The following ERBB4 variants were observed in gnomAD, a reference collection of about 807,000 sequenced individuals.
ERBB4 encodes the protein erb-b2 receptor tyrosine kinase 4.
In ERBB4, 42 loss-of-function variants were observed where a neutral mutation model predicts 158.0. The ratio of observed to expected loss-of-function variants is 0.27; its 90% CI spans 0.21 to 0.34. ERBB4 has a LOEUF of 0.34. Ranked by LOEUF, ERBB4 falls within the 10% of genes least tolerant of loss-of-function variation. The pLI is 1.00. For synonymous variants in ERBB4, 583 were observed against 558.7 expected, an observed-to-expected ratio of 1.04 and a Z score of -0.61; for missense variants, 1,333 against 1,624.1, an observed-to-expected ratio of 0.82 and a Z score of 3.08.
At chr2:212,157,462 G>C (rs2081075295) in intron 1 of ERBB4, among the ~76,000 whole-genome samples, 1 of 152,050 alleles carries the variant, frequency 6.6e-6, no homozygotes, top group South Asian at 2.1e-4. Flanking sequence ...TACTTAATCT[G>C]AGATTAAACC....
At chr2:212,017,612 T>C (rs1034739193) in intron 2 of ERBB4, among the ~76,000 whole-genome samples, 2 of 152,194 alleles carry the variant, frequency 1.3e-5, no homozygotes, top group Non-Finnish European at 2.9e-5. Context: ...ATTCCACATC[T>C]AATTTTCCTT....
intron 20 of ERBB4, among the ~76,000 whole-genome samples, chr2:211,554,244 T>C (rs115458887): frequency 0.01 from 1,526 of 152,320 alleles, 31 homozygotes; most frequent in African/African-American, 0.035. Flanking sequence ...GGCATTTCAA[T>C]ATATTTGTGT....
intron 4 of ERBB4, among the ~76,000 whole-genome samples, chr2:211,755,884 G>T (rs1469154099): frequency 6.6e-6 from 1 of 152,170 alleles, no homozygotes; most frequent in Non-Finnish European, 1.5e-5. Flanking sequence ...AACTATAAAA[G>T]ATCATATCCT....
At position 211,383,332 on chromosome 2, in the gene ERBB4, C is replaced by A. The variant is rs1002266824; in HGVS notation, c.*283G>T. ...TGACAGCTAGTTTGATAGTAGGCAG[C>A]ATTGCCTTACATTTTCTGGTCCTTC... is the stretch of plus-strand genomic sequence containing the variant. On this transcript the variant is annotated 3_prime_UTR_variant, in exon 28 of 28. Transcript: ENST00000342788. 1.0e-5 allele frequency: 4 copies of A among 385,708 alleles called. No homozygotes were observed. The highest frequency in any genetic ancestry group is 8.2e-5 in the African/African-American group (4 of 48,840). 23.9% of individuals were successfully genotyped at this position (385,708 alleles called of 1,614,324 possible). A position where few individuals can be genotyped will look rare whatever the true frequency, so the allele number is the denominator to read the frequency against.
chr2:212,419,188 A>C (rs1037014455), intron 1 of ERBB4, among the ~76,000 whole-genome samples: 8 of 151,728 alleles, frequency 5.3e-5, no homozygotes, highest in Non-Finnish European at 1.5e-5. Context: ...AAAACTGTTG[A>C]ACTGAACGTT....
At chr2:211,574,063 CTAT>C (rs2067820780) in intron 19 of ERBB4, among the ~76,000 whole-genome samples, 1 of 152,084 alleles carries the variant, frequency 6.6e-6, no homozygotes, top group Admixed American at 6.6e-5. Context: ...AAAATGTTAG[CTAT>C]TATTATTTTT....
chr2:212,532,182 T>C (rs1370111828), intron 1 of ERBB4, among the ~76,000 whole-genome samples: 1 of 152,228 alleles, frequency 6.6e-6, no homozygotes, highest in Non-Finnish European at 1.5e-5. Context: ...GCCACTAGTT[T>C]ATATTATCTA....
intron 1 of ERBB4, among the ~76,000 whole-genome samples, chr2:212,201,788 C>T (rs1167031925): frequency 6.6e-6 from 1 of 152,172 alleles, no homozygotes; most frequent in Non-Finnish European, 1.5e-5. Flanking sequence ...AAAGCAGTGG[C>T]TTATTAAGTA....
chr2:211,981,179 T>A (rs839542), intron 2 of ERBB4, among the ~76,000 whole-genome samples: 2 of 152,104 alleles, frequency 1.3e-5, no homozygotes, highest in South Asian at 2.1e-4. Context: ...GACGCTGTTG[T>A]CTATCCTCTG....
intron 3 of ERBB4, among the ~76,000 whole-genome samples, chr2:211,870,812 T>C (rs1219217077): frequency 6.6e-6 from 1 of 152,150 alleles, no homozygotes; most frequent in Non-Finnish European, 1.5e-5. Flanking sequence ...AAAATCCCCA[T>C]CTGTGGACTT....
chr2:211,887,178 G>A (rs184272471), intron 3 of ERBB4, among the ~76,000 whole-genome samples: 36 of 151,346 alleles, frequency 2.4e-4, no homozygotes, highest in African/African-American at 5.6e-4. Flanking sequence ...GAAATATACC[G>A]CAATGAAAAT....
chr2:212,532,518 T>C (rs1342168228), intron 1 of ERBB4, among the ~76,000 whole-genome samples: 3 of 152,224 alleles, frequency 2.0e-5, no homozygotes, highest in Admixed American at 6.5e-5. Flanking sequence ...AAGTCTAAAC[T>C]TTCCATTTCT....
intron 2 of ERBB4, among the ~76,000 whole-genome samples, chr2:211,995,320 G>C (rs1458662461): frequency 1.3e-5 from 2 of 152,154 alleles, no homozygotes; most frequent in Non-Finnish European, 2.9e-5. Flanking sequence ...ATTTTAGTTA[G>C]AGGAACTCTA....
chr2:211,707,687 G>A (rs555977972), intron 9 of ERBB4, among the ~76,000 whole-genome samples: 3 of 152,142 alleles, frequency 2.0e-5, no homozygotes, highest in East Asian at 1.9e-4. Flanking sequence ...TTTTCCTAAC[G>A]ATAACCCTAA....
At chr2:212,240,992 T>C (rs1428469891) in intron 1 of ERBB4, among the ~76,000 whole-genome samples, 2 of 152,096 alleles carry the variant, frequency 1.3e-5, no homozygotes, top group Non-Finnish European at 2.9e-5. Flanking sequence ...ATGGAGAAAA[T>C]TGGTGATGGG....
chr2:212,248,974 T>C (rs998215162), intron 1 of ERBB4, among the ~76,000 whole-genome samples: 2 of 152,146 alleles, frequency 1.3e-5, no homozygotes, highest in Admixed American at 6.6e-5. Context: ...GGACTATGCA[T>C]ATAATTTTGG....
At chr2:211,728,374 T>C (rs1211857683) in intron 5 of ERBB4, among the ~76,000 whole-genome samples, 3 of 151,780 alleles carry the variant, frequency 2.0e-5, no homozygotes, top group Non-Finnish European at 3.0e-5. Flanking sequence ...CCCAAACAAT[T>C]TGTATCCTTT....
At chr2:211,426,070 A>G (rs549445675) in intron 22 of ERBB4, among the ~76,000 whole-genome samples, 5 of 152,106 alleles carry the variant, frequency 3.3e-5, no homozygotes, top group Non-Finnish European at 7.3e-5. Flanking sequence ...TTCTAGCAGA[A>G]CTCCCAACAT....
chr2:211,600,941 C>T (rs2068781080), intron 19 of ERBB4, among the ~76,000 whole-genome samples: 1 of 152,008 alleles, frequency 6.6e-6, no homozygotes, highest in South Asian at 2.1e-4. Context: ...TGGTCACACA[C>T]CTGCTCACAG....
Sources: allele counts gnomAD v4.1 joint callset (sites outside exome capture counted in the v4.1 genomes callset), GRCh38; gene constraint gnomAD v4.1.1; transcripts MANE v1.5; gene names NCBI Gene and HGNC (gene_info 2026-07-23, HGNC 2026-07-21).